Variants in KDM1A observed in about 807,000 individuals in gnomAD.
KDM1A encodes lysine demethylase 1A.
KDM1A carries 49 observed loss-of-function variants against 109.4 expected under a neutral mutation model. The observed-to-expected ratio is 0.45, with a 90% CI of 0.36 to 0.57. KDM1A has a LOEUF of 0.57. Among genes scored for constraint, KDM1A ranks in the 20% least tolerant of loss-of-function variants. The pLI is 0.00. For synonymous variants in KDM1A, 380 were observed against 415.4 expected (o/e 0.91, Z 1.04); for missense variants, 668 against 1,116.6 (o/e 0.60, Z 5.73).
chr1:23,079,140 C>T lies in KDM1A; in HGVS notation c.2018C>T (p.Ser673Phe), dbSNP rs746628310. Residue 673 changes from serine (S) to phenylalanine (F), a missense_variant, in exon 17 of 21, where the codon TCT (serine) becomes TTT (phenylalanine). By Grantham distance (155) the Ser-to-Phe change is radical. Around this residue, in one of 8 missense-constraint regions of KDM1A, gnomAD observed 162 missense variants for 376.4 expected, o/e 0.43. Transcript: ENST00000400181. The surrounding 1 kb of genome is among the most constrained non-coding windows in gnomAD (Gnocchi z 5.6). ...CCACCTCTCCCTGAGTGGAAAACAT[C>T]TGCAGTCCAAAGGATGGGATTTGGC... ...FVPPLPEWKT[S>F]AVQRMGFGNL... 6.2e-7 allele frequency: 1 copy of T among 1,614,186 alleles called. No homozygotes were observed. The highest frequency in any genetic ancestry group is 1.1e-5 in the South Asian group (1 of 91,078).
chr1:23,062,729 G>A (rs1643034600), intron 9 of KDM1A, among the ~76,000 whole-genome samples: 1 of 152,124 alleles, frequency 6.6e-6, no homozygotes, highest in East Asian at 1.9e-4. Flanking sequence ...TTTGACAAGG[G>A]ACGTTTATTT....
In KDM1A at chr1:23,055,932, C is replaced by T. The variant is rs929755228; in HGVS notation, c.884C>T (p.Thr295Ile). The change falls in exon 7 of 21, where the codon ACT becomes ATT. Residue 295 changes from threonine to isoleucine, a missense_variant and splice_region_variant. This residue lies in a region of KDM1A where 149 missense variants were observed against 189.7 expected (regional missense o/e 0.79). Coordinates refer to ENST00000400181, the MANE Select transcript of KDM1A (RefSeq NM_001009999.3). ...GIYKRIKPLP[T>I]KKTGKVIIIG... is the part of the protein sequence containing the mutation. ...CTTTTTTTTCATTTTTTGCTTTTAGCTAAAAAGACAGGAAAGGTAATTATT... is the reference window on the plus strand; with the variant it reads ...CTTTTTTTTCATTTTTTGCTTTTAGTTAAAAAGACAGGAAAGGTAATTATT... 2.5e-6 allele frequency: 4 copies of T among 1,590,552 alleles called. No individual in the cohort carries two copies. The African/African-American group carries it at 4.1e-5, about 16-fold the overall frequency.
chr1:23,082,172 T>G lies in KDM1A; in HGVS notation c.2299-48T>G. The G allele has an allele frequency of 1.9e-6, 3 of 1,596,420 alleles. No individual in the cohort carries two copies. In the South Asian group the frequency reaches 3.3e-5, roughly 18 times the overall value. On this transcript the variant is annotated intron_variant, in intron 19 of 20. Coordinates refer to ENST00000400181, the MANE Select transcript of KDM1A (RefSeq NM_001009999.3). Reference sequence around the variant, plus strand: ...GCTTTTCCACCTTTCAAGGATTGATTTGTGCTTGGTGTCTCGTAATGACTT... The same window carrying G: ...GCTTTTCCACCTTTCAAGGATTGATGTGTGCTTGGTGTCTCGTAATGACTT...
At chr1:23,050,585 A>G in intron 4 of KDM1A, 65 bp downstream of exon 4, 4 of 1,282,448 alleles carry the variant, frequency 3.1e-6, no homozygotes, top group Non-Finnish European at 3.1e-6. Context: ...GATAGAGAAT[A>G]TGGGAAAAAT....
At chr1:23,073,748 G>A (rs981503595) in intron 15 of KDM1A, among the ~76,000 whole-genome samples, 1 of 152,190 alleles carries the variant, frequency 6.6e-6, no homozygotes, top group Non-Finnish European at 1.5e-5. Flanking sequence ...GAATCATACA[G>A]TACATAGCTT....
At chr1:23,048,280 T>G (rs1642560808) in intron 3 of KDM1A, among the ~76,000 whole-genome samples, 1 of 152,140 alleles carries the variant, frequency 6.6e-6, no homozygotes, top group Admixed American at 6.6e-5. Context: ...TATTTTGATT[T>G]GGGAATGGGA....
intron 1 of KDM1A, among the ~76,000 whole-genome samples, chr1:23,022,332 T>TGTTG (rs200510821): frequency 1.1e-3 from 97 of 88,568 alleles, no homozygotes; most frequent in African/African-American, 3.5e-3. Context: ...TCGTTTTTTT[T>TGTTG]TTTTTGTTGT....
intron 16 of KDM1A, among the ~76,000 whole-genome samples, chr1:23,078,098 C>T (rs988666610): frequency 3.3e-5 from 5 of 152,148 alleles, no homozygotes; most frequent in African/African-American, 1.2e-4. Context: ...GGAGACATAG[C>T]CATCAATCTT....
At chr1:23,078,710 TTAGTC>T (rs1177945711) in intron 16 of KDM1A, among the ~76,000 whole-genome samples, 9 of 152,200 alleles carry the variant, frequency 5.9e-5, no homozygotes, top group Admixed American at 3.3e-4. Flanking sequence ...GGTCCTTTCA[TTAGTC>T]TAGATCACCA....
intron 10 of KDM1A, among the ~76,000 whole-genome samples, chr1:23,066,903 C>T (rs904900066): frequency 6.6e-6 from 1 of 152,284 alleles, no homozygotes; most frequent in African/African-American, 2.4e-5. Flanking sequence ...TGCATATGAC[C>T]ATCACATATC....
chr1:23,049,910 A>G (rs950219675), intron 3 of KDM1A, among the ~76,000 whole-genome samples: 2 of 152,080 alleles, frequency 1.3e-5, no homozygotes, highest in African/African-American at 4.8e-5. Flanking sequence ...TTACTAATGG[A>G]TGATACTGTT....
chr1:23,055,933 T>C lies in KDM1A; in HGVS notation c.885T>C (p.Thr295=), dbSNP rs1395232624. Residue 295 remains threonine, a splice_region_variant and synonymous_variant, in exon 7 of 21, where the codon ACT becomes ACC. Coordinates refer to ENST00000400181, the MANE Select transcript of KDM1A (RefSeq NM_001009999.3). Reference sequence around the variant, plus strand: ...TTTTTTTTCATTTTTTGCTTTTAGCTAAAAAGACAGGAAAGGTAATTATTA... The same window carrying C: ...TTTTTTTTCATTTTTTGCTTTTAGCCAAAAAGACAGGAAAGGTAATTATTA... ...GIYKRIKPLP[T]KKTGKVIIIG... 1.3e-6 allele frequency: 2 copies of C among 1,596,128 alleles called. No homozygotes were observed. The highest frequency in any genetic ancestry group is 1.7e-6 in the Non-Finnish European group (2 of 1,171,364).
intron 15 of KDM1A, among the ~76,000 whole-genome samples, chr1:23,075,724 G>A (rs1439700229): frequency 1.3e-5 from 2 of 152,166 alleles, no homozygotes; most frequent in African/African-American, 4.8e-5. Context: ...AAGGCAGGCG[G>A]ATCACCTCAG....
chr1:23,063,908 A>G (rs1240004844), intron 9 of KDM1A, among the ~76,000 whole-genome samples: 1 of 152,118 alleles, frequency 6.6e-6, no homozygotes, highest in Non-Finnish European at 1.5e-5. Context: ...TTGTTTTTGG[A>G]GACAGATCTT....
chr1:23,045,458 G>T (rs1272903341), intron 3 of KDM1A, among the ~76,000 whole-genome samples: 1 of 152,178 alleles, frequency 6.6e-6, no homozygotes, highest in Non-Finnish European at 1.5e-5. Flanking sequence ...TAAAAATGCT[G>T]TCCCAAGGAT....
intron 1 of KDM1A, among the ~76,000 whole-genome samples, chr1:23,026,234 G>A (rs192083096): frequency 3.1e-4 from 47 of 152,264 alleles, no homozygotes; most frequent in South Asian, 1.2e-3. Context: ...CAGCTTTGCC[G>A]TAGATAAAAG....
At chr1:23,022,238 CCAAA>C (rs911291053) in intron 1 of KDM1A, among the ~76,000 whole-genome samples, 3 of 152,020 alleles carry the variant, frequency 2.0e-5, no homozygotes, top group African/African-American at 4.8e-5. Flanking sequence ...TGAGGTATAG[CCAAA>C]CAGTTTCCCA....
At chr1:23,049,997 G>A (rs553882711) in intron 3 of KDM1A, among the ~76,000 whole-genome samples, 12 of 152,288 alleles carry the variant, frequency 7.9e-5, no homozygotes, top group African/African-American at 2.9e-4. Flanking sequence ...AAGAAGGCAT[G>A]TGATTGTGTT....
At chr1:23,050,661 A>G (rs1642641691) in intron 4 of KDM1A, 141 bp downstream of exon 4, 1 of 671,356 alleles carries the variant, frequency 1.5e-6, no homozygotes, top group Non-Finnish European at 2.2e-6. Flanking sequence ...AACCTTTGTT[A>G]ATAGTTATTT....
Sources: gnomAD v4.1 joint callset for allele counts (sites outside exome capture counted in the v4.1 genomes callset) on GRCh38, gnomAD v4.1.1 for gene constraint, gnomAD v4.1.1 regional missense constraint, Gnocchi (gnomAD v3.1) non-coding constraint, MANE v1.5 for transcripts, NCBI Gene and HGNC (gene_info 2026-07-23, HGNC 2026-07-21) for gene names.